R3HDM2: variants seen among roughly 807,000 people sequenced by gnomAD.
R3HDM2 encodes R3H domain containing 2.
Under a neutral mutation model 124.5 loss-of-function variants are expected in R3HDM2, and 38 were observed. The observed-to-expected ratio is 0.31, with a 90% CI of 0.24 to 0.40. The LOEUF is 0.40. R3HDM2 is among the 10% of genes least tolerant of loss of function. The pLI, the probability that R3HDM2 is intolerant of heterozygous loss-of-function variation, is 1.00. For missense variants in R3HDM2, 869 were observed against 1,236.9 expected (o/e 0.70, Z 4.46); for synonymous variants, 391 against 448.0 (o/e 0.87, Z 1.61).
intron 1 of R3HDM2, among the ~76,000 whole-genome samples, chr12:57,397,307 G>A (rs1380599821): frequency 6.6e-6 from 1 of 152,064 alleles, no homozygotes; most frequent in East Asian, 1.9e-4. Flanking sequence ...TCTATTTCAG[G>A]AGGCCACCAT....
chr12:57,317,919 G>A (rs959488630), intron 2 of R3HDM2, among the ~76,000 whole-genome samples: 12 of 151,006 alleles, frequency 7.9e-5, no homozygotes, highest in Non-Finnish European at 1.5e-4. Flanking sequence ...GGCAGAGGTT[G>A]CAGTGAGCCA....
intron 11 of R3HDM2, among the ~76,000 whole-genome samples, chr12:57,291,964 C>T (rs1381776719): frequency 6.6e-6 from 1 of 152,184 alleles, no homozygotes; most frequent in Non-Finnish European, 1.5e-5. Flanking sequence ...GCTTTTAGCC[C>T]TAGGAGCTAG....
chr12:57,282,033 G>A (rs1042505708), intron 13 of R3HDM2, among the ~76,000 whole-genome samples: 1 of 152,158 alleles, frequency 6.6e-6, no homozygotes, highest in Non-Finnish European at 1.5e-5. Flanking sequence ...TGGTTGGTTG[G>A]GTGTGGTGGC....
chr12:57,254,805 G>A lies in R3HDM2; in HGVS notation c.2941C>T (p.Leu981=), dbSNP rs749938776. 1.9e-6 allele frequency: 3 copies of A among 1,598,166 alleles called. No individual in the cohort carries two copies. Among genetic ancestry groups the A allele is most frequent in the Admixed American group, 1.7e-5 (1 of 59,334 alleles). ...GAGCTGGCTCGCTCCAGGATCCTCA[G>A]GTCATAGTTCTTTTTGGCCATTCGA... ...KLRMAKKNYD[L]RILERASSQ is the part of the protein sequence containing the mutation. The change falls in exon 24 of 24, where the codon CTG becomes TTG. Residue 981 remains leucine, a synonymous_variant. Transcript: ENST00000402412.
chr12:57,256,165 C>A (rs762732880), intron 22 of R3HDM2, 91 bp from the exon 23 acceptor site: 2 of 1,347,462 alleles, frequency 1.5e-6, no homozygotes, highest in South Asian at 1.2e-5. Context: ...TGGAGTAGCA[C>A]CAACCCAGAG....
At chr12:57,338,145 A>T (rs1286992254) in intron 2 of R3HDM2, among the ~76,000 whole-genome samples, 2 of 152,112 alleles carry the variant, frequency 1.3e-5, no homozygotes, top group Non-Finnish European at 2.9e-5. Flanking sequence ...CTCTACTAAA[A>T]ATACAAAATT....
At chr12:57,381,355 C>T (rs949539766) in intron 2 of R3HDM2, among the ~76,000 whole-genome samples, 24 of 151,940 alleles carry the variant, frequency 1.6e-4, no homozygotes, top group African/African-American at 5.6e-4. Context: ...AGTTTAAGAC[C>T]AGCCTGGCCA....
intron 1 of R3HDM2, among the ~76,000 whole-genome samples, chr12:57,396,970 G>A (rs142447143): frequency 3.3e-5 from 5 of 151,980 alleles, no homozygotes; most frequent in African/African-American, 1.2e-4. Context: ...GCATGTACCT[G>A]TAATCTCAGC....
intron 1 of R3HDM2, among the ~76,000 whole-genome samples, chr12:57,412,673 G>C (rs976532965): frequency 2.0e-5 from 3 of 151,996 alleles, no homozygotes; most frequent in Non-Finnish European, 4.4e-5. Flanking sequence ...ACTCTTAAGT[G>C]ACTACAGCCT....
At chr12:57,407,331 A>C (rs956008195) in intron 1 of R3HDM2, among the ~76,000 whole-genome samples, 2 of 152,108 alleles carry the variant, frequency 1.3e-5, no homozygotes, top group African/African-American at 4.8e-5. Flanking sequence ...TATTTTAAAC[A>C]TATAAGCTAC....
At chr12:57,321,008 T>C (rs1216328786) in intron 2 of R3HDM2, among the ~76,000 whole-genome samples, 4 of 152,266 alleles carry the variant, frequency 2.6e-5, no homozygotes, top group East Asian at 1.9e-4. Context: ...TTACTCTCAA[T>C]TGATACATTT....
At chr12:57,294,787 C>G (rs1239194686) in intron 10 of R3HDM2, among the ~76,000 whole-genome samples, 1 of 152,164 alleles carries the variant, frequency 6.6e-6, no homozygotes, top group Non-Finnish European at 1.5e-5. Flanking sequence ...ATAGGCTGTT[C>G]CCTTCTTATT....
rs562475743 is a variant in R3HDM2, at chr12:57,317,668, TAAA to T, written c.-35-7208_-35-7206del. ...AAAAAGGGTATATTAAGAAGATAGT[TAAA>T]AAAAAAAAAAAAAAAAAGGGTATAT... On this transcript the variant is annotated intron_variant, in intron 2 of 23. Transcript: ENST00000402412. 2.5e-3 allele frequency among the ~76,000 whole-genome samples: 274 copies of T among 108,094 alleles called. 3 individuals are homozygous for T. Among genetic ancestry groups the T allele is most frequent in the Middle Eastern group, 9.1e-3 (1 of 110 alleles). The allele number at this position is 108,094 out of a possible 152,430, so 70.9% of individuals were successfully genotyped here.
chr12:57,331,608 C>A (rs942572810), intron 2 of R3HDM2, among the ~76,000 whole-genome samples: 1 of 151,974 alleles, frequency 6.6e-6, no homozygotes, highest in Non-Finnish European at 1.5e-5. Flanking sequence ...GCAGGCTGGG[C>A]AATATAGGGA....
chr12:57,353,682 AG>A (rs1280418699), intron 2 of R3HDM2, among the ~76,000 whole-genome samples: 1 of 151,898 alleles, frequency 6.6e-6, no homozygotes, highest in African/African-American at 2.4e-5. Context: ...CCGAATAGCT[AG>A]GAACTATAGG....
In R3HDM2 at chr12:57,280,648, T is replaced by C. The variant is rs1007594472; in HGVS notation, c.1172-118A>G. 4 of 892,330 alleles carry C rather than the reference T, an allele frequency of 4.5e-6. No individual in the cohort carries two copies. In the Admixed American group the frequency reaches 1.3e-4, roughly 28 times the overall value. The allele number at this position is 892,330 out of a possible 1,614,324, so 55.3% of individuals were successfully genotyped here. On this transcript the variant is annotated intron_variant, in intron 13 of 23. Coordinates refer to ENST00000402412, the MANE Select transcript of R3HDM2 (RefSeq NM_001394031.1). ...TGCCTTTCCTCTTTATTCCCTTTTG[T>C]CCCCTCCCCCACTGTCTTTTGAAGA...
At chr12:57,259,094 T>C in intron 19 of R3HDM2, 35 bp from the exon 20 acceptor site, 2 of 1,596,992 alleles carry the variant, frequency 1.3e-6, no homozygotes, top group Non-Finnish European at 1.7e-6. Flanking sequence ...GGTTACAAAT[T>C]CCAACTGTAT....
At chr12:57,361,479 A>G (rs1468879927) in intron 2 of R3HDM2, among the ~76,000 whole-genome samples, 1 of 151,354 alleles carries the variant, frequency 6.6e-6, no homozygotes, top group African/African-American at 2.4e-5. Context: ...TGAGGCTGGG[A>G]GTTCAAGACT....
At chr12:57,409,641 G>C (rs2139247468) in intron 1 of R3HDM2, among the ~76,000 whole-genome samples, 1 of 152,066 alleles carries the variant, frequency 6.6e-6, no homozygotes, top group South Asian at 2.1e-4. Context: ...AGACCACCTG[G>C]TCTACTGGAG....
Sources: allele counts gnomAD v4.1 joint callset (sites outside exome capture counted in the v4.1 genomes callset), GRCh38; gene constraint gnomAD v4.1.1; transcripts MANE v1.5; gene names NCBI Gene and HGNC (gene_info 2026-07-23, HGNC 2026-07-21).